The following GLYATL2 variants were observed in gnomAD, a reference collection of about 807,000 sequenced individuals.
GLYATL2 encodes glycine N-acyltransferase-like protein 2.
GLYATL2 carries 25 observed loss-of-function variants against 21.4 expected under a neutral mutation model. That is an observed-to-expected ratio of 1.17 (90% CI 0.85 to 1.63). The LOEUF (loss-of-function observed/expected upper bound fraction) is 1.63, where lower values mean the gene tolerates loss of function less well. Ranked by LOEUF, GLYATL2 falls within the 40% of genes most tolerant of loss-of-function variation. The pLI is 0.00. For missense variants in GLYATL2, 361 were observed against 343.3 expected (o/e 1.05, Z -0.41); for synonymous variants, 114 against 118.2 (o/e 0.96, Z 0.23).
intron 1 of GLYATL2, among the ~76,000 whole-genome samples, chr11:58,868,098 C>T (rs775431347): frequency 6.7e-6 from 1 of 148,844 alleles, no homozygotes. Context: ...GAGAGGAAGC[C>T]ATTCTCCTGG....
chr11:58,876,336 G>A (rs191377567), intron 1 of GLYATL2, among the ~76,000 whole-genome samples: 2 of 152,308 alleles, frequency 1.3e-5, no homozygotes, highest in African/African-American at 4.8e-5. Context: ...CTGGTGAGGA[G>A]CTGCGTTCCT....
intron 1 of GLYATL2, among the ~76,000 whole-genome samples, chr11:58,880,512 C>G (rs187445054): frequency 6.6e-6 from 1 of 152,024 alleles, no homozygotes. Context: ...CATGGTAGAT[C>G]TTGAATTAAA....
chr11:58,872,600 T>G (rs1029233530), intron 1 of GLYATL2, among the ~76,000 whole-genome samples: 1 of 152,254 alleles, frequency 6.6e-6, no homozygotes, highest in Non-Finnish European at 1.5e-5. Flanking sequence ...GCTGTAGATA[T>G]GCATCATTAT....
upstream of GLYATL2, chr11:58,844,805 G>C (rs1853614814): frequency 6.6e-6 from 1 of 152,176 alleles, no homozygotes; most frequent in Non-Finnish European, 1.5e-5. Flanking sequence ...GGCAAAAATA[G>C]CACAGCTGCA....
intron 1 of GLYATL2, among the ~76,000 whole-genome samples, chr11:58,903,778 G>T (rs1281041849): frequency 1.3e-5 from 2 of 152,000 alleles, no homozygotes; most frequent in African/African-American, 4.8e-5. Flanking sequence ...CTTTTATTTT[G>T]ATCTATGCTC....
upstream of GLYATL2, chr11:58,907,479 G>GTTTTGT (rs35731745): frequency 5.5e-4 from 215 of 389,818 alleles, 2 homozygotes; most frequent in Middle Eastern, 3.3e-3. Flanking sequence ...GCTCTTTTTT[G>GTTTTGT]TTTGTTTTGT....
chr11:58,865,790 CA>C (rs1854014398), intron 1 of GLYATL2, among the ~76,000 whole-genome samples: 1 of 148,850 alleles, frequency 6.7e-6, no homozygotes. Flanking sequence ...AACGCATTAG[CA>C]GGGACTAAGC....
upstream of GLYATL2, among the ~76,000 whole-genome samples, chr11:58,847,965 C>T (rs1401703450): frequency 6.7e-6 from 1 of 148,914 alleles, no homozygotes; most frequent in African/African-American, 2.5e-5. Context: ...ACTCCACCCC[C>T]AATTTTAGTT....
At chr11:58,887,184 G>GT (rs1455194370) in intron 1 of GLYATL2, among the ~76,000 whole-genome samples, 2 of 152,106 alleles carry the variant, frequency 1.3e-5, no homozygotes, top group African/African-American at 4.8e-5. Context: ...AACAAGGCTA[G>GT]TTTTTATAAA....
At chr11:58,906,226 C>A (rs1026563445), upstream of GLYATL2, among the ~76,000 whole-genome samples, 8 of 152,098 alleles carry the variant, frequency 5.3e-5, no homozygotes, top group African/African-American at 1.9e-4. Flanking sequence ...GGAGCTGGGC[C>A]CCGCCCGTTG....
upstream of GLYATL2, chr11:58,907,760 G>C: frequency 4.9e-6 from 1 of 203,926 alleles, no homozygotes; most frequent in Non-Finnish European, 1.0e-5. Context: ...ATATTCTTGA[G>C]CTTTGTTCCA....
intron 1 of GLYATL2, among the ~76,000 whole-genome samples, chr11:58,856,043 A>C (rs1481238126): frequency 1.3e-5 from 2 of 152,170 alleles, no homozygotes; most frequent in Non-Finnish European, 2.9e-5. Flanking sequence ...AGGGAGGAGA[A>C]TCGCTTGAGC....
At chr11:58,837,667 T>A (rs1853464357) in intron 3 of GLYATL2, among the ~76,000 whole-genome samples, 1 of 152,148 alleles carries the variant, frequency 6.6e-6, no homozygotes, top group Non-Finnish European at 1.5e-5. Context: ...CTAAATGGTG[T>A]ATGTTAAGCA....
At chr11:58,897,925 T>C (rs1315966971) in intron 1 of GLYATL2, among the ~76,000 whole-genome samples, 3 of 152,218 alleles carry the variant, frequency 2.0e-5, no homozygotes, top group African/African-American at 4.8e-5. Context: ...TTTCCCCATA[T>C]ACATTTTTTT....
chr11:58,842,263 A>G (rs1853566647), intron 1 of GLYATL2, among the ~76,000 whole-genome samples: 1 of 152,154 alleles, frequency 6.6e-6, no homozygotes, highest in South Asian at 2.1e-4. Flanking sequence ...GAAAAGTCAG[A>G]AAAAAAATTA....
At chr11:58,899,211 C>T (rs182421205) in intron 1 of GLYATL2, among the ~76,000 whole-genome samples, 1 of 152,198 alleles carries the variant, frequency 6.6e-6, no homozygotes, top group Non-Finnish European at 1.5e-5. Context: ...AACCCAACTT[C>T]AAGTTCATAA....
Position 58,865,960 on chromosome 11 carries a change from A to T in GLYATL2, n.61-27592T>A, listed in dbSNP as rs1854017757. Among the ~76,000 whole-genome samples, 3 of 149,016 alleles carry T rather than the reference A, an allele frequency of 2.0e-5. 1 individual carries two copies. In the South Asian group the frequency reaches 6.5e-4, roughly 32 times the overall value. On this transcript the variant is annotated intron_variant and non_coding_transcript_variant, in intron 1 of 4. Transcript: ENST00000533636. ...CTTTAGACTCTAAGAGCACTAGAAC[A>T]CATCAGAGAGCTTCAGAGCTTTAAA...
intron 1 of GLYATL2, among the ~76,000 whole-genome samples, chr11:58,862,308 C>G (rs1286279009): frequency 6.6e-6 from 1 of 152,072 alleles, no homozygotes; most frequent in Non-Finnish European, 1.5e-5. Flanking sequence ...TGAATCTTAT[C>G]AAACACTTTT....
chr11:58,854,755 C>T (rs2134589594), intron 1 of GLYATL2, among the ~76,000 whole-genome samples: 1 of 152,342 alleles, frequency 6.6e-6, no homozygotes, highest in East Asian at 1.9e-4. Flanking sequence ...GGAATCAACC[C>T]TTTCAACCCT....
Sources: allele counts gnomAD v4.1 joint callset (sites outside exome capture counted in the v4.1 genomes callset), GRCh38; gene constraint gnomAD v4.1.1; transcripts MANE v1.5; gene names NCBI Gene and HGNC (gene_info 2026-07-23, HGNC 2026-07-21).